Variants in CEBPZ observed in about 807,000 individuals in gnomAD.
CEBPZ encodes the protein CCAAT enhancer binding protein zeta, also known as CCAAT/enhancer-binding protein zeta.
A neutral mutation model predicts 104.5 loss-of-function variants in CEBPZ; 78 were observed. That is an observed-to-expected ratio of 0.75 (90% CI 0.62 to 0.90). The LOEUF (loss-of-function observed/expected upper bound fraction) is 0.90, where lower values mean the gene tolerates loss of function less well. Ranked by LOEUF, CEBPZ falls within the 40% of genes least tolerant of loss-of-function variation. CEBPZ has a pLI of 0.00. For synonymous variants in CEBPZ, 470 were observed against 427.0 expected, an observed-to-expected ratio of 1.10 and a Z score of -1.24; for missense variants, 1,439 against 1,233.5, an observed-to-expected ratio of 1.17 and a Z score of -2.50.
chr2:37,216,018 G>C, intron 8 of CEBPZ, 122 bp downstream of exon 8: 1 of 607,294 alleles, frequency 1.6e-6, no homozygotes, highest in Non-Finnish European at 2.6e-6. Context: ...TGGGAAAAAA[G>C]ATGGATAATG....
chr2:37,206,436 C>T (rs534406468), intron 13 of CEBPZ, among the ~76,000 whole-genome samples: 2 of 152,324 alleles, frequency 1.3e-5, no homozygotes, highest in South Asian at 2.1e-4. Context: ...TGGCTCACTG[C>T]GACCTCTGCC....
intron 13 of CEBPZ, among the ~76,000 whole-genome samples, chr2:37,208,344 A>G (rs1677607896): frequency 6.6e-6 from 1 of 152,128 alleles, no homozygotes; most frequent in Non-Finnish European, 1.5e-5. Context: ...GACATAACAA[A>G]AGAAAACTAG....
chr2:37,219,424 A>AT (rs1357330698), intron 5 of CEBPZ, among the ~76,000 whole-genome samples: 5 of 151,870 alleles, frequency 3.3e-5, no homozygotes, highest in African/African-American at 1.2e-4. Context: ...TTAACTGCAC[A>AT]TATGTGGCAG....
Position 37,216,266 on chromosome 2 carries a change from T to C in CEBPZ, c.2311+50A>G. On this transcript the variant is annotated intron_variant, in intron 7 of 15. Transcript: ENST00000234170. ...AACCTAGTTATAAGCTCATATTGTT[T>C]ATTATGTATTAAAAATGAAAGCCAA... is the stretch of plus-strand genomic sequence containing the variant. The C allele has an allele frequency of 2.5e-6, 4 of 1,600,122 alleles. No homozygotes were observed. The South Asian group carries it at 4.4e-5, about 18-fold the overall frequency.
intron 1 of CEBPZ, 42 bp downstream of exon 1, chr2:37,231,370 T>C (rs774861044): frequency 5.0e-6 from 8 of 1,611,580 alleles, no homozygotes; most frequent in Non-Finnish European, 5.9e-6. Context: ...CCTTCGGAAC[T>C]CTCCACGCCT....
chr2:37,230,688 C>T (rs1315698830), intron 1 of CEBPZ, among the ~76,000 whole-genome samples: 1 of 152,200 alleles, frequency 6.6e-6, no homozygotes, highest in Non-Finnish European at 1.5e-5. Context: ...TCCTTTCTTA[C>T]TATTCTCCCC....
intron 2 of CEBPZ, 63 bp from the exon 3 acceptor site, chr2:37,223,464 A>G (rs930618504): frequency 1.5e-6 from 2 of 1,371,926 alleles, no homozygotes; most frequent in African/African-American, 1.4e-5. Flanking sequence ...CAATGGTCAC[A>G]TATTAGAAAT....
In CEBPZ at chr2:37,228,102, C is replaced by T. The variant is rs558130949; in HGVS notation, c.1091G>A (p.Arg364Gln). ...CAGCTCATGAGCCACGGTAAGGGCTCGAGTTTTAGTGGTTACTAATGTATC... is the reference window on the plus strand; with the variant it reads ...CAGCTCATGAGCCACGGTAAGGGCTTGAGTTTTAGTGGTTACTAATGTATC... ...SHDTLVTTKT[R>Q]ALTVAHELLC... The change falls in exon 2 of 16, where the codon CGA (arginine) becomes CAA (glutamine). Residue 364 changes from arginine to glutamine, a missense_variant. Arg to Gln is a conservative substitution (Grantham distance 43). Transcript: ENST00000234170. 3.1e-6 allele frequency: 5 copies of T among 1,614,180 alleles called. No homozygotes were observed. Among genetic ancestry groups the T allele is most frequent in the Non-Finnish European group, 3.4e-6 (4 of 1,180,032 alleles).
Position 37,220,433 on chromosome 2 carries a change from G to A in CEBPZ, c.2106C>T (p.Asn702=), listed in dbSNP as rs1454359945. The A allele has an allele frequency of 8.7e-6, 14 of 1,601,952 alleles. 1 individual carries two copies. In the South Asian group the frequency reaches 1.2e-4, roughly 14 times the overall value. ...QLNKYDPFSR[N]PLFCGAENTS... is the part of the protein sequence containing the mutation. ...TATTTTCAGCTCCACAGAACAGAGG[G>A]TTTCTACTGAATGGATCGTATTTAT... Residue 702 remains asparagine, a synonymous_variant, in exon 5 of 16, where the codon AAC becomes AAT. Transcript: ENST00000234170.
chr2:37,231,519 G>A lies in CEBPZ; in HGVS notation c.49C>T (p.Arg17Cys), dbSNP rs1187351184. 1 of 1,614,198 alleles carries A rather than the reference G, an allele frequency of 6.2e-7. No individual in the cohort carries two copies. The highest frequency in any genetic ancestry group is 8.5e-7 in the Non-Finnish European group (1 of 1,180,032). Residue 17 changes from arginine (R) to cysteine (C), a missense_variant, in exon 1 of 16, where the codon CGC (arginine) becomes TGC (cysteine). Transcript: ENST00000234170. ...PLEFHAKRPW[R>C]PEEAVEDPDE... ...GGATCTTCTACTGCCTCCTCGGGGC[G>A]CCAAGGCCGCTTGGCATGGAACTCC...
rs1664800079 is a variant in CEBPZ, at chr2:37,222,645, G to A, written c.1882-82C>T. The stretch of plus-strand genomic sequence containing the variant: ...TCTGTGCTCCATTATGTGATGCAGA[G>A]TTTTACTTATTGCAACTCTGGTGAA... On this transcript the variant is annotated intron_variant, in intron 3 of 15. Coordinates refer to ENST00000234170, the MANE Select transcript of CEBPZ (RefSeq NM_005760.3). 6.2e-6 allele frequency: 6 copies of A among 972,414 alleles called. No individual in the cohort carries two copies. The South Asian group carries it at 8.0e-5, about 13-fold the overall frequency. The allele number at this position is 972,414 out of a possible 1,614,324, so 60.2% of individuals were successfully genotyped here.
chr2:37,214,997 C>T, intron 8 of CEBPZ, 45 bp from the exon 9 acceptor site: 1 of 1,194,684 alleles, frequency 8.4e-7, no homozygotes, highest in East Asian at 2.3e-5. Context: ...TAGCAATCCC[C>T]TTTATGTTAC....
chr2:37,211,785 CTT>C (rs1020147271), intron 12 of CEBPZ, 56 bp downstream of exon 12: 5 of 1,321,406 alleles, frequency 3.8e-6, no homozygotes, highest in African/African-American at 3.0e-5. Flanking sequence ...GAAAAACAAA[CTT>C]AAGGCTAAGG....
chr2:37,221,211 G>A (rs1385662305), intron 4 of CEBPZ, among the ~76,000 whole-genome samples: 1 of 152,122 alleles, frequency 6.6e-6, no homozygotes, highest in Non-Finnish European at 1.5e-5. Flanking sequence ...GGCTACCTGG[G>A]AGGCTGAGGT....
chr2:37,211,654 A>C, intron 12 of CEBPZ, 189 bp downstream of exon 12: 2 of 501,264 alleles, frequency 4.0e-6, no homozygotes, highest in Non-Finnish European at 6.9e-6. Context: ...CTTAAAAGAA[A>C]ACACACATAA....
intron 13 of CEBPZ, chr2:37,210,072 G>A (rs868744984): frequency 2.0e-5 from 3 of 152,132 alleles, no homozygotes; most frequent in Admixed American, 2.0e-4. Context: ...AAGCCACAGT[G>A]CAATACCACC....
intron 1 of CEBPZ, 61 bp downstream of exon 1, chr2:37,231,351 G>C (rs907324010): frequency 3.7e-5 from 59 of 1,601,668 alleles, no homozygotes; most frequent in Non-Finnish European, 4.3e-5. Context: ...GGGGCAGTCA[G>C]CCTAGCCACC....
At chr2:37,203,439 T>C (rs1677381467) in intron 13 of CEBPZ, 1 of 150,724 alleles carries the variant, frequency 6.6e-6, no homozygotes, top group Non-Finnish European at 1.5e-5. Flanking sequence ...AAGTTGTTTA[T>C]AACAGCGAAA....
chr2:37,211,968 T>G lies in CEBPZ; in HGVS notation c.2675A>C (p.Glu892Ala). 6.2e-7 allele frequency: 1 copy of G among 1,613,622 alleles called. No individual in the cohort carries two copies. The highest frequency in any genetic ancestry group is 1.1e-5 in the South Asian group (1 of 90,996). ...LDEDSEGSDD[E>A]LGNLDDDEVS... ...TTCATCGTCATCCAGGTTACCAAGTTCATCATCACTACCTTCTGAATCTTC... is the reference window on the plus strand; with the variant it reads ...TTCATCGTCATCCAGGTTACCAAGTGCATCATCACTACCTTCTGAATCTTC... Residue 892 changes from glutamate to alanine, a missense_variant, in exon 12 of 16, where the codon GAA becomes GCA. By Grantham distance (107) the Glu-to-Ala change is moderately radical (BLOSUM62 -1). Coordinates refer to ENST00000234170, the MANE Select transcript of CEBPZ (RefSeq NM_005760.3).
Sources: gnomAD v4.1 joint callset for allele counts (sites outside exome capture counted in the v4.1 genomes callset) on GRCh38, gnomAD v4.1.1 for gene constraint, MANE v1.5 for transcripts, NCBI Gene and HGNC (gene_info 2026-07-23, HGNC 2026-07-21) for gene names.